Variants in CRHBP observed in about 807,000 individuals in gnomAD.
CRHBP encodes the protein corticotropin-releasing hormone-binding protein.
CRHBP carries 19 observed loss-of-function variants against 34.9 expected under a neutral mutation model. The observed-to-expected ratio is 0.55, with a 90% CI of 0.38 to 0.80. CRHBP has a LOEUF of 0.80. Ranked by LOEUF, CRHBP falls within the 30% of genes least tolerant of loss-of-function variation. The pLI, the probability that CRHBP is intolerant of heterozygous loss-of-function variation, is 0.00. For synonymous variants in CRHBP, 154 were observed against 153.4 expected (o/e 1.00, Z -0.03); for missense variants, 328 against 409.2 (o/e 0.80, Z 1.71).
At chr5:76,956,218 G>T (rs945552930) in intron 4 of CRHBP, among the ~76,000 whole-genome samples, 41 of 152,168 alleles carry the variant, frequency 2.7e-4, no homozygotes, top group Non-Finnish European at 5.1e-4. Context: ...ATATAAAGTT[G>T]CAGTCTTAGA....
intron 6 of CRHBP, 40 bp downstream of exon 6, chr5:76,963,500 G>A: frequency 6.6e-7 from 1 of 1,515,312 alleles, no homozygotes. Context: ...TGCCTATCAA[G>A]ATTAAAAAAA....
At chr5:76,979,726 T>C (rs72763268) in intron 3 of CRHBP, among the ~76,000 whole-genome samples, 31,225 of 152,032 alleles carry the variant, frequency 0.21, 4,554 homozygotes, top group African/African-American at 0.41. Context: ...TACATTATAC[T>C]GTAAACATCA....
intron 6 of CRHBP, among the ~76,000 whole-genome samples, chr5:76,966,574 G>A (rs1285391173): frequency 6.6e-6 from 1 of 152,030 alleles, no homozygotes; most frequent in Non-Finnish European, 1.5e-5. Flanking sequence ...TGCATTAATT[G>A]GGCTTAGGTT....
intron 3 of CRHBP, among the ~76,000 whole-genome samples, chr5:76,978,075 C>T (rs1237069358): frequency 6.6e-6 from 1 of 151,900 alleles, no homozygotes; most frequent in Non-Finnish European, 1.5e-5. Context: ...GGTGAGGGAA[C>T]CTGCCGAAGA....
chr5:76,960,889 T>C (rs1237311622), intron 5 of CRHBP, among the ~76,000 whole-genome samples: 1 of 152,022 alleles, frequency 6.6e-6, no homozygotes, highest in African/African-American at 2.4e-5. Context: ...CTCAGTCTCC[T>C]GAGTAGCTGG....
chr5:76,970,254 C>A (rs1745926639), downstream of CRHBP, among the ~76,000 whole-genome samples: 1 of 152,044 alleles, frequency 6.6e-6, no homozygotes, highest in South Asian at 2.1e-4. Context: ...CTAGAAAATT[C>A]TTTTAAGGGA....
chr5:76,957,758 A>T (rs533204216), intron 4 of CRHBP, among the ~76,000 whole-genome samples: 1 of 152,376 alleles, frequency 6.6e-6, no homozygotes, highest in Admixed American at 6.5e-5. Context: ...TAAACATTAA[A>T]AATGCACCTT....
chr5:76,975,936 G>A (rs1446093321), intron 2 of CRHBP, among the ~76,000 whole-genome samples: 7 of 135,278 alleles, frequency 5.2e-5, no homozygotes, highest in Non-Finnish European at 6.2e-5. Flanking sequence ...ATGTGTGTGT[G>A]TATATATATA....
intron 3 of CRHBP, among the ~76,000 whole-genome samples, chr5:76,976,683 A>G (rs1256007309): frequency 2.0e-5 from 3 of 152,224 alleles, no homozygotes; most frequent in Non-Finnish European, 4.4e-5. Context: ...GGTAGACACT[A>G]TAACTATGAG....
chr5:76,954,210 C>A, intron 3 of CRHBP, 24 bp downstream of exon 3: 1 of 1,607,346 alleles, frequency 6.2e-7, no homozygotes, highest in Non-Finnish European at 8.5e-7. Flanking sequence ...GGCCAGCCAA[C>A]CTAGCCGGAG....
chr5:76,964,995 A>G (rs1745840007), intron 6 of CRHBP, among the ~76,000 whole-genome samples: 1 of 152,020 alleles, frequency 6.6e-6, no homozygotes, highest in African/African-American at 2.4e-5. Context: ...ATAAAATAAA[A>G]AAAAAGAAAA....
intron 4 of CRHBP, among the ~76,000 whole-genome samples, chr5:76,958,360 A>G (rs1172570538): frequency 6.6e-6 from 1 of 152,180 alleles, no homozygotes; most frequent in South Asian, 2.1e-4. Context: ...TGGACTCACC[A>G]TTAAGCCTCG....
chr5:76,966,686 G>C (rs895508777), intron 6 of CRHBP, among the ~76,000 whole-genome samples: 1 of 151,980 alleles, frequency 6.6e-6, no homozygotes, highest in Non-Finnish European at 1.5e-5. Flanking sequence ...GTTTTTCCTT[G>C]ATTCAGCATG....
At chr5:76,965,409 C>T (rs1390800410) in intron 6 of CRHBP, among the ~76,000 whole-genome samples, 1 of 152,226 alleles carries the variant, frequency 6.6e-6, no homozygotes, top group Non-Finnish European at 1.5e-5. Context: ...CAAAATCCCA[C>T]TTTGCGGAAA....
At chr5:76,958,650 C>G (rs1745727246) in intron 4 of CRHBP, 91 bp from the exon 5 acceptor site, 3 of 1,410,080 alleles carry the variant, frequency 2.1e-6, no homozygotes, top group Non-Finnish European at 2.9e-6. Flanking sequence ...AGATCATGAA[C>G]AGGAGCCCTA....
At chr5:76,963,527 A>G (rs1745813665) in intron 6 of CRHBP, 67 bp downstream of exon 6, 1 of 1,348,336 alleles carries the variant, frequency 7.4e-7, no homozygotes, top group Non-Finnish European at 1.0e-6. Context: ...CACTCCCCTA[A>G]TATTTTCTAC....
In CRHBP at chr5:76,954,199, C is replaced by G. The variant is rs750053690; in HGVS notation, c.333+13C>G. The G allele has an allele frequency of 6.2e-7, 1 of 1,609,576 alleles. No homozygotes were observed. Among genetic ancestry groups the G allele is most frequent in the Non-Finnish European group, 8.5e-7 (1 of 1,177,604 alleles). ...CGACTTCCTGAAGGTGAGGCGCCCA[C>G]GGCCAGCCAACCTAGCCGGAGGGCG... On this transcript the variant is annotated intron_variant, in intron 3 of 6. Coordinates refer to ENST00000274368, the MANE Select transcript of CRHBP (RefSeq NM_001882.4).
intron 4 of CRHBP, among the ~76,000 whole-genome samples, chr5:76,957,459 T>C (rs181172100): frequency 6.6e-6 from 1 of 152,318 alleles, no homozygotes; most frequent in Non-Finnish European, 1.5e-5. Flanking sequence ...CGATCTTGGC[T>C]CACTGCAACC....
intron 4 of CRHBP, among the ~76,000 whole-genome samples, chr5:76,957,047 A>G (rs943285504): frequency 6.6e-6 from 1 of 152,140 alleles, no homozygotes; most frequent in Non-Finnish European, 1.5e-5. Context: ...GTTAGAAATC[A>G]GAAACCTCCT....
Sources: allele counts gnomAD v4.1 joint callset (sites outside exome capture counted in the v4.1 genomes callset), GRCh38; gene constraint gnomAD v4.1.1; transcripts MANE v1.5; gene names NCBI Gene and HGNC (gene_info 2026-07-23, HGNC 2026-07-21).